Variants in CGA observed in about 807,000 individuals in gnomAD.
CGA encodes glycoprotein hormones alpha chain.
A neutral mutation model predicts 12.0 loss-of-function variants in CGA; 4 were observed. The ratio of observed to expected loss-of-function variants is 0.33; its 90% CI spans 0.16 to 0.76. CGA has a LOEUF of 0.76. Ranked by LOEUF, CGA falls within the 30% of genes least tolerant of loss-of-function variation. The pLI is 0.60. For missense variants in CGA, 102 were observed against 143.5 expected (o/e 0.71, Z 1.48); for synonymous variants, 60 against 56.6 (o/e 1.06, Z -0.27).
At chr6:87,090,204 T>A (rs1296921239) in intron 1 of CGA, among the ~76,000 whole-genome samples, 1 of 152,206 alleles carries the variant, frequency 6.6e-6, no homozygotes, top group African/African-American at 2.4e-5. Context: ...TCTAAGTCAG[T>A]GGTTCTCAAA....
intron 1 of CGA, among the ~76,000 whole-genome samples, chr6:87,091,969 C>A (rs1049419167): frequency 1.1e-4 from 17 of 152,040 alleles, no homozygotes; most frequent in African/African-American, 4.1e-4. Flanking sequence ...GCCGAGATTG[C>A]GCCACTGCAC....
chr6:87,092,084 A>ATT (rs36041112), intron 1 of CGA, among the ~76,000 whole-genome samples: 5,332 of 149,550 alleles, frequency 0.036, 326 homozygotes, highest in African/African-American at 0.12. Flanking sequence ...CTTTAAAAGG[A>ATT]TTTTTTTTTT....
At chr6:87,086,957 T>C (rs747238883) in intron 2 of CGA, among the ~76,000 whole-genome samples, 1 of 152,070 alleles carries the variant, frequency 6.6e-6, no homozygotes, top group Non-Finnish European at 1.5e-5. Context: ...CAGGTGCCTG[T>C]AATACCAGCT....
At chr6:87,085,924 G>T (rs1007217591) in intron 3 of CGA, 91 bp from the exon 4 acceptor site, 1 of 914,280 alleles carries the variant, frequency 1.1e-6, no homozygotes, top group African/African-American at 1.7e-5. Context: ...AAAATTGTTT[G>T]CATTCTGCTG....
At chr6:87,086,595 G>A in intron 2 of CGA, 161 bp from the exon 3 acceptor site, 1 of 608,140 alleles carries the variant, frequency 1.6e-6, no homozygotes, top group Non-Finnish European at 2.8e-6. Context: ...TGGGCAACAT[G>A]GTGAAACCCT....
At chr6:87,092,737 G>A (rs192001828) in intron 1 of CGA, among the ~76,000 whole-genome samples, 2 of 141,354 alleles carry the variant, frequency 1.4e-5, no homozygotes, top group Non-Finnish European at 3.0e-5. Context: ...AAAAGCATTA[G>A]CTTTCTTTTT....
rs1335587312 is a variant in CGA at position 87,085,508 on chromosome 6, A to T, written c.*248T>A. ...ATGATAATTCAGTGATTGAATGATG[A>T]TTTAAAAGGCTTTATTTGCAGTGGA... is the stretch of plus-strand genomic sequence containing the variant. On this transcript the variant is annotated 3_prime_UTR_variant, in exon 4 of 4. Transcript: ENST00000627148. The T allele has an allele frequency of 5.5e-6, 2 of 365,626 alleles. No homozygotes were observed. Among genetic ancestry groups the T allele is most frequent in the African/African-American group, 2.1e-5 (1 of 48,202 alleles). 22.6% of individuals were successfully genotyped at this position (365,626 alleles called of 1,614,324 possible). A position where few individuals can be genotyped will look rare whatever the true frequency, so the allele number is the denominator to read the frequency against.
intron 1 of CGA, among the ~76,000 whole-genome samples, chr6:87,091,359 A>G (rs1336944483): frequency 6.6e-6 from 1 of 152,222 alleles, no homozygotes; most frequent in Non-Finnish European, 1.5e-5. Flanking sequence ...ATTCTAGGTG[A>G]TTTTGAAAGC....
intron 3 of CGA, 155 bp downstream of exon 3, chr6:87,086,095 T>C: frequency 1.4e-6 from 1 of 710,818 alleles, no homozygotes; most frequent in Non-Finnish European, 2.4e-6. Context: ...ATTGACTCTT[T>C]TAATTAATGG....
chr6:87,088,308 T>A, intron 1 of CGA, 101 bp from the exon 2 acceptor site: 1 of 601,786 alleles, frequency 1.7e-6, no homozygotes, highest in Non-Finnish European at 2.9e-6. Flanking sequence ...TTACTATTAA[T>A]AATAGTCATC....
intron 1 of CGA, among the ~76,000 whole-genome samples, chr6:87,090,295 G>T (rs1195789844): frequency 6.6e-6 from 1 of 152,084 alleles, no homozygotes; most frequent in Non-Finnish European, 1.5e-5. Flanking sequence ...AATGTTGTTT[G>T]TCTTTTTTTC....
chr6:87,086,359 C>T lies in CGA; in HGVS notation c.164G>A (p.Cys55Tyr), dbSNP rs1032842947. Residue 55 changes from cysteine to tyrosine, a missense_variant, in exon 3 of 4, where the codon TGC (cysteine) becomes TAC (tyrosine). Physicochemically the swap from Cys to Tyr is radical, Grantham distance 194. Coordinates refer to ENST00000627148, the MANE Select transcript of CGA (RefSeq NM_000735.4). ...PGAPILQCMG[C>Y]CFSRAYPTPL... ...AGTGGGATATGCTCTAGAGAAGCAGCAGCCCATGCACTGAAGTATTGGGGC... is the reference window on the plus strand; with the variant it reads ...AGTGGGATATGCTCTAGAGAAGCAGTAGCCCATGCACTGAAGTATTGGGGC... 7.4e-6 allele frequency: 12 copies of T among 1,613,892 alleles called. No individual in the cohort carries two copies. The highest frequency in any genetic ancestry group is 9.3e-6 in the Non-Finnish European group (11 of 1,179,950).
chr6:87,088,238 CAA>C lies in CGA; in HGVS notation c.-7-33_-7-32del, dbSNP rs1491084386. On this transcript the variant is annotated intron_variant, in intron 1 of 3. Transcript: ENST00000627148. ...GACAGACATGGCAAAAAAAAAAAAA[CAA>C]AAAACAGTTAATCTAAAATTGGCTT... is the stretch of plus-strand genomic sequence containing the variant. 23 of 413,496 alleles carry C rather than the reference CAA, an allele frequency of 5.6e-5. No individual in the cohort carries two copies. In the Admixed American group the frequency reaches 1.4e-3, roughly 24 times the overall value. 25.6% of individuals were successfully genotyped at this position (413,496 alleles called of 1,614,324 possible).
intron 1 of CGA, among the ~76,000 whole-genome samples, chr6:87,090,905 C>G (rs1195193697): frequency 6.6e-6 from 1 of 151,858 alleles, no homozygotes; most frequent in African/African-American, 2.4e-5. Flanking sequence ...CTCGGCCTCC[C>G]AAAGTGCTGG....
chr6:87,091,754 A>T (rs1769436251), intron 1 of CGA, among the ~76,000 whole-genome samples: 1 of 152,204 alleles, frequency 6.6e-6, no homozygotes, highest in Non-Finnish European at 1.5e-5. Context: ...CAACAGCCAG[A>T]TTCACTGTGA....
chr6:87,089,570 A>T (rs981511821), intron 1 of CGA, among the ~76,000 whole-genome samples: 11 of 152,216 alleles, frequency 7.2e-5, no homozygotes, highest in South Asian at 4.1e-4. Context: ...AAGTTTTTTT[A>T]AAAAAATTCA....
chr6:87,092,787 G>A lies in CGA; in HGVS notation c.-8+2226C>T, dbSNP rs184875154. On this transcript the variant is annotated intron_variant, in intron 1 of 3. Coordinates refer to ENST00000627148, the MANE Select transcript of CGA (RefSeq NM_000735.4). ...TTTTGAGACATGGTCTCACTCTGTG[G>A]ATCAGGCTGGAGTGTAGTGCCACTA... is the stretch of plus-strand genomic sequence containing the variant. 6.5e-5 allele frequency among the ~76,000 whole-genome samples: 9 copies of A among 138,326 alleles called. 1 individual carries two copies. Among genetic ancestry groups the A allele is most frequent in the Admixed American group, 1.5e-4 (2 of 12,942 alleles). The allele number at this position is 138,326 out of a possible 152,430, so 90.7% of individuals were successfully genotyped here.
Position 87,085,909 on chromosome 6 carries a change from TA to T in CGA, c.274-77del, listed in dbSNP as rs1582318192. 3.0e-6 allele frequency: 3 copies of T among 1,016,598 alleles called. No individual in the cohort carries two copies. The East Asian group carries it at 7.7e-5, about 26-fold the overall frequency. 63.0% of individuals were successfully genotyped at this position (1,016,598 alleles called of 1,614,324 possible). A position where few individuals can be genotyped will look rare whatever the true frequency, so the allele number is the denominator to read the frequency against. On this transcript the variant is annotated intron_variant, in intron 3 of 3. Coordinates refer to ENST00000627148, the MANE Select transcript of CGA (RefSeq NM_000735.4). The stretch of plus-strand genomic sequence containing the variant: ...AGATAGAGACAAAATTGAAGAATAT[TA>T]CATAAAATTGTTTGCATTCTGCTGA...
intron 1 of CGA, among the ~76,000 whole-genome samples, chr6:87,090,637 A>ATTTTTTTTTTTTTTTTTT (rs147883019): frequency 2.4e-5 from 3 of 124,826 alleles, no homozygotes; most frequent in Non-Finnish European, 1.7e-5. Flanking sequence ...CTCTTCAATA[A>ATTTTTTTTTTTTTTTTTT]TTTTTTTTTT....
Sources: allele counts gnomAD v4.1 joint callset (sites outside exome capture counted in the v4.1 genomes callset), GRCh38; gene constraint gnomAD v4.1.1; transcripts MANE v1.5; gene names NCBI Gene and HGNC (gene_info 2026-07-23, HGNC 2026-07-21).